Variants in ERBB4 observed in about 807,000 individuals in gnomAD.
The protein encoded by ERBB4 is erb-b2 receptor tyrosine kinase 4.
In ERBB4, 42 loss-of-function variants were observed where a neutral mutation model predicts 158.0. The observed-to-expected ratio is 0.27, with a 90% confidence interval of 0.21 to 0.34. The LOEUF (loss-of-function observed/expected upper bound fraction) is 0.34. Ranked by LOEUF, ERBB4 falls within the 10% of genes least tolerant of loss-of-function variation. ERBB4 has a pLI of 1.00. For synonymous variants in ERBB4, 583 were observed against 558.7 expected (o/e 1.04, Z -0.61); for missense variants, 1,333 against 1,624.1 (o/e 0.82, Z 3.08).
intron 4 of ERBB4, among the ~76,000 whole-genome samples, chr2:211,752,159 T>C (rs1176864586): frequency 6.6e-6 from 1 of 152,080 alleles, no homozygotes; most frequent in Non-Finnish European, 1.5e-5. Flanking sequence ...GTGATAATGA[T>C]AATTATTATT....
At chr2:212,284,818 C>T (rs1032998549) in intron 1 of ERBB4, among the ~76,000 whole-genome samples, 15 of 152,000 alleles carry the variant, frequency 9.9e-5, no homozygotes, top group African/African-American at 3.4e-4. Flanking sequence ...AAGGTGTTTA[C>T]AAATAACAGG....
At chr2:212,285,623 A>C (rs2085930986) in intron 1 of ERBB4, among the ~76,000 whole-genome samples, 1 of 152,198 alleles carries the variant, frequency 6.6e-6, no homozygotes, top group African/African-American at 2.4e-5. Flanking sequence ...AATCTAAAAA[A>C]TGATTATGAC....
At chr2:211,888,047 A>G (rs1258691602) in intron 3 of ERBB4, among the ~76,000 whole-genome samples, 1 of 152,176 alleles carries the variant, frequency 6.6e-6, no homozygotes, top group Non-Finnish European at 1.5e-5. Flanking sequence ...CCCCAGGCCA[A>G]TGCATCCTTA....
At chr2:212,233,161 A>G (rs943431744) in intron 1 of ERBB4, among the ~76,000 whole-genome samples, 5 of 152,180 alleles carry the variant, frequency 3.3e-5, no homozygotes, top group East Asian at 1.9e-4. Flanking sequence ...AATATTAATA[A>G]TGATATAATG....
At chr2:212,038,071 ATAT>A (rs1306065001) in intron 2 of ERBB4, among the ~76,000 whole-genome samples, 1 of 152,182 alleles carries the variant, frequency 6.6e-6, no homozygotes, top group African/African-American at 2.4e-5. Flanking sequence ...GTGATGAAAT[ATAT>A]TATTATGGGA....
At chr2:211,922,656 A>T (rs1227553742) in intron 3 of ERBB4, among the ~76,000 whole-genome samples, 1 of 152,134 alleles carries the variant, frequency 6.6e-6, no homozygotes, top group Admixed American at 6.6e-5. Context: ...AATTTCTAAG[A>T]AAACAATAAT....
rs1340498082 is a variant in ERBB4, at chr2:211,804,954, C to T, written c.422-16795G>A. Among the ~76,000 whole-genome samples, 3 of 144,138 alleles carry T rather than the reference C, an allele frequency of 2.1e-5. No homozygotes were observed. The East Asian group carries it at 6.2e-4, about 30-fold the overall frequency. 94.6% of individuals were successfully genotyped at this position (144,138 alleles called of 152,430 possible). A position where few individuals can be genotyped will look rare whatever the true frequency, so the allele number is the denominator to read the frequency against. ...TTTTTTTTTGAGATGGTGTGTTGCT[C>T]TGTCACCCAGGCTGGAGTGCAACGG... On this transcript the variant is annotated intron_variant, in intron 3 of 27. Coordinates refer to ENST00000342788, the MANE Select transcript of ERBB4 (RefSeq NM_005235.3).
intron 2 of ERBB4, among the ~76,000 whole-genome samples, chr2:212,101,018 A>C (rs900893725): frequency 6.6e-6 from 1 of 152,080 alleles, no homozygotes; most frequent in Non-Finnish European, 1.5e-5. Flanking sequence ...TGTCTGGGAT[A>C]GTCAATTTTT....
At chr2:211,619,134 T>G in intron 19 of ERBB4, 43 bp downstream of exon 19, 1 of 1,175,558 alleles carries the variant, frequency 8.5e-7, no homozygotes, top group Middle Eastern at 1.9e-4. Flanking sequence ...GCAGGCTATT[T>G]GATAATGGAG....
rs187780395 is a variant in ERBB4, at chr2:211,578,915, C to T, written c.2302-16827G>A. 1.9e-3 allele frequency among the ~76,000 whole-genome samples: 282 copies of T among 151,754 alleles called. 2 individuals are homozygous for T. Among genetic ancestry groups the T allele is most frequent in the African/African-American group, 6.5e-3 (271 of 41,468 alleles). The stretch of plus-strand genomic sequence containing the variant: ...GTGGGTAAAGATTTCATGAAATCAC[C>T]GAAAGCAATTGCAACAAAAGCAAAG... On this transcript the variant is annotated intron_variant, in intron 19 of 27. Coordinates refer to ENST00000342788, the MANE Select transcript of ERBB4 (RefSeq NM_005235.3).
chr2:212,481,420 G>A (rs1201256569), intron 1 of ERBB4, among the ~76,000 whole-genome samples: 1 of 152,070 alleles, frequency 6.6e-6, no homozygotes, highest in African/African-American at 2.4e-5. Flanking sequence ...AGCACAAAGA[G>A]GGGTACTTTT....
chr2:211,482,113 A>T (rs1318864340), intron 20 of ERBB4, among the ~76,000 whole-genome samples: 1 of 152,196 alleles, frequency 6.6e-6, no homozygotes, highest in Admixed American at 6.5e-5. Flanking sequence ...AGGGCAACAG[A>T]GACATAGAAT....
intron 1 of ERBB4, among the ~76,000 whole-genome samples, chr2:212,499,438 A>C (rs1176908025): frequency 6.6e-6 from 1 of 152,130 alleles, no homozygotes; most frequent in Non-Finnish European, 1.5e-5. Context: ...TAATGAAAGA[A>C]ATATTTTTTA....
At chr2:212,051,949 TCA>T (rs1553542642) in intron 2 of ERBB4, among the ~76,000 whole-genome samples, 4 of 152,152 alleles carry the variant, frequency 2.6e-5, no homozygotes, top group Non-Finnish European at 5.9e-5. Context: ...ATTTGTGGCC[TCA>T]GTTTTTGTGA....
intron 4 of ERBB4, among the ~76,000 whole-genome samples, chr2:211,763,282 G>A (rs2075462056): frequency 1.3e-5 from 2 of 152,164 alleles, no homozygotes; most frequent in Admixed American, 1.3e-4. Flanking sequence ...TGGTCTCCAT[G>A]GATAGCCTGT....
At chr2:211,602,287 C>T (rs2068825044) in intron 19 of ERBB4, among the ~76,000 whole-genome samples, 1 of 152,118 alleles carries the variant, frequency 6.6e-6, no homozygotes, top group South Asian at 2.1e-4. Context: ...TGCCTGCTCT[C>T]CAGGCCTCCT....
chr2:212,221,748 G>T (rs1461470335), intron 1 of ERBB4, among the ~76,000 whole-genome samples: 1 of 151,374 alleles, frequency 6.6e-6, no homozygotes, highest in Non-Finnish European at 1.5e-5. Flanking sequence ...TTCCTCTTCT[G>T]TAGGAGAGTC....
intron 20 of ERBB4, among the ~76,000 whole-genome samples, chr2:211,480,700 A>G (rs10199215): frequency 0.082 from 12,412 of 152,146 alleles, 1,379 homozygotes; most frequent in African/African-American, 0.26. Flanking sequence ...TACTGCCCCT[A>G]TCTACCTGGT....
intron 21 of ERBB4, 95 bp from the exon 22 acceptor site, chr2:211,428,578 C>G (rs2063684286): frequency 1.4e-6 from 1 of 690,274 alleles, no homozygotes; most frequent in Non-Finnish European, 2.6e-6. Flanking sequence ...TGGCCTTAAT[C>G]ATATTTTTTT....
Sources: allele counts gnomAD v4.1 joint callset (sites outside exome capture counted in the v4.1 genomes callset), GRCh38; gene constraint gnomAD v4.1.1; transcripts MANE v1.5; gene names NCBI Gene and HGNC (gene_info 2026-07-23, HGNC 2026-07-21).